The following PSG11 variants were observed in gnomAD, a reference collection of about 807,000 sequenced individuals.
PSG11 encodes pregnancy-specific beta-1-glycoprotein 11.
In PSG11, 42 loss-of-function variants were observed where a neutral mutation model predicts 36.0. The ratio of observed to expected loss-of-function variants is 1.17; its 90% confidence interval spans 0.91 to 1.51. PSG11 has a LOEUF of 1.51. Ranked by LOEUF, PSG11 falls within the 40% of genes most tolerant of loss-of-function variation. The pLI is 0.00. For missense variants in PSG11, 558 were observed against 403.5 expected, an observed-to-expected ratio of 1.38 and a Z score of -3.28; for synonymous variants, 206 against 153.5, an observed-to-expected ratio of 1.34 and a Z score of -2.53.
chr19:43,011,473 A>C (rs192504196), intron 4 of PSG11, among the ~76,000 whole-genome samples: 3 of 151,572 alleles, frequency 2.0e-5, no homozygotes, highest in East Asian at 3.9e-4. Flanking sequence ...AGAATGGAAA[A>C]AGAATAGAGA....
chr19:43,018,799 C>T lies in PSG11; in HGVS notation c.680G>A (p.Arg227His), dbSNP rs374044472. ...CEIWNSGSASRSDPVTLNLLH... is the reference protein window; with the variant it reads ...CEIWNSGSASHSDPVTLNLLH... Reference sequence around the variant, plus strand: ...GAGATTCAGGGTGACTGGGTCACTGCGGCTGGCACTCCCTGAGTTCCATAT... The same window carrying T: ...GAGATTCAGGGTGACTGGGTCACTGTGGCTGGCACTCCCTGAGTTCCATAT... The change falls in exon 3 of 6, where the codon CGC becomes CAC. Residue 227 changes from arginine (R) to histidine (H), a missense_variant. Transcript: ENST00000320078. The T allele has an allele frequency of 8.6e-5, 139 of 1,612,016 alleles. 3 individuals are homozygous for T. The highest frequency in any genetic ancestry group is 5.5e-4 in the South Asian group (50 of 90,834).
chr19:43,018,829 C>T lies in PSG11; in HGVS notation c.650G>A (p.Cys217Tyr), dbSNP rs1384527829. The T allele has an allele frequency of 6.2e-7, 1 of 1,612,124 alleles. No homozygotes were observed. Among genetic ancestry groups the T allele is most frequent in the Middle Eastern group, 1.7e-4 (1 of 6,056 alleles). ...GGCACTCCCTGAGTTCCATATTTCA[C>T]ATTCATAGGGTCCTGCAGTATACTT... ...VTKYTAGPYE[C>Y]EIWNSGSASR... The change falls in exon 3 of 6, where the codon TGT becomes TAT. Residue 217 changes from cysteine (C) to tyrosine (Y), a missense_variant. Physicochemically the swap from Cys to Tyr is radical, Grantham distance 194 (BLOSUM62 -2). Transcript: ENST00000320078.
chr19:43,019,062 A>C lies in PSG11; in HGVS notation c.431-14T>G, dbSNP rs1159168339. Reference sequence around the variant, plus strand: ...TGGGAGTCTCCACTGTGCAGAAAACAGAGAGAAGATTGCCCTGTGTGGCAC... The same window carrying C: ...TGGGAGTCTCCACTGTGCAGAAAACCGAGAGAAGATTGCCCTGTGTGGCAC... On this transcript the variant is annotated splice_polypyrimidine_tract_variant and intron_variant, in intron 2 of 5. Transcript: ENST00000320078. The C allele has an allele frequency of 6.2e-7, 1 of 1,608,164 alleles. No individual in the cohort carries two copies. Among genetic ancestry groups the C allele is most frequent in the Non-Finnish European group, 8.5e-7 (1 of 1,176,828 alleles).
intron 2 of PSG11, chr19:43,019,295 G>T (rs1967046114): frequency 2.4e-6 from 2 of 823,072 alleles, no homozygotes; most frequent in Middle Eastern, 4.0e-4. Context: ...ATTGGGTCAT[G>T]GAAAGACACA....
chr19:43,009,814 A>G lies in PSG11; in HGVS notation c.*40+144T>C, dbSNP rs1161942335. On this transcript the variant is annotated intron_variant, in intron 5 of 5. Coordinates refer to ENST00000320078, the MANE Select transcript of PSG11 (RefSeq NM_002785.3). ...AGCATAAAGGCCAGGGAGAAAGGGA[A>G]CTGCAGGAATTAGTGCTGAGAAGCA... The G allele has an allele frequency of 6.9e-6, 4 of 578,448 alleles. 1 individual carries two copies. Among genetic ancestry groups the G allele is most frequent in the Non-Finnish European group, 1.3e-5 (4 of 318,854 alleles). The allele number at this position is 578,448 out of a possible 1,614,324, so 35.8% of individuals were successfully genotyped here. A position where few individuals can be genotyped will look rare whatever the true frequency, so the allele number is the denominator to read the frequency against.
In PSG11 at chr19:43,018,895, A is replaced by G; in HGVS notation, c.584T>C (p.Leu195Pro). 6.2e-7 allele frequency: 1 copy of G among 1,612,096 alleles called. No homozygotes were observed. Among genetic ancestry groups the G allele is most frequent in the Non-Finnish European group, 8.5e-7 (1 of 1,179,076 alleles). The change falls in exon 3 of 6, where the codon CTG (leucine) becomes CCG (proline). Residue 195 changes from leucine to proline, a missense_variant. Coordinates refer to ENST00000320078, the MANE Select transcript of PSG11 (RefSeq NM_002785.3). ...QSLPMTHRMQLSETNRTLFLF... is the reference protein window; with the variant it reads ...QSLPMTHRMQPSETNRTLFLF... ...AAAGAGGGTCCTGTTGGTTTCAGAC[A>G]GCTGCATCCTATGAGTCATAGGGAG...
At chr19:43,020,740 C>T (rs1440168145) in intron 2 of PSG11, among the ~76,000 whole-genome samples, 1 of 151,104 alleles carries the variant, frequency 6.6e-6, no homozygotes, top group Non-Finnish European at 1.5e-5. Flanking sequence ...GTCAGTGCAT[C>T]AATTACATAA....
At chr19:43,017,826 T>G (rs1249621093) in intron 3 of PSG11, among the ~76,000 whole-genome samples, 1 of 151,632 alleles carries the variant, frequency 6.6e-6, no homozygotes, top group Non-Finnish European at 1.5e-5. Flanking sequence ...CATTTGACCT[T>G]TTTGGTTAAA....
intron 3 of PSG11, 97 bp downstream of exon 3, chr19:43,018,673 C>A (rs1001517155): frequency 6.2e-7 from 1 of 1,606,264 alleles, no homozygotes; most frequent in East Asian, 2.2e-5. Context: ...TGGTAAAGGT[C>A]TCTGTACTTG....
intron 4 of PSG11, 195 bp from the exon 5 acceptor site, chr19:43,010,236 G>A (rs909791508): frequency 2.1e-6 from 3 of 1,453,838 alleles, no homozygotes; most frequent in Non-Finnish European, 2.7e-6. Flanking sequence ...CTCAGTTGGT[G>A]ATCAGTCCTC....
At chr19:43,024,387 T>G (rs1460068438) in intron 2 of PSG11, 8 of 501,242 alleles carry the variant, frequency 1.6e-5, no homozygotes, top group Admixed American at 7.1e-5. Context: ...AGGGTCTTTC[T>G]CAGGGTCAAA....
chr19:43,012,318 TA>T (rs1974098086), intron 4 of PSG11, among the ~76,000 whole-genome samples: 2 of 151,364 alleles, frequency 1.3e-5, no homozygotes, highest in African/African-American at 2.4e-5. Flanking sequence ...GCAAGAATTT[TA>T]AAAAAGACAT....
Position 43,019,054 on chromosome 19 carries a change from C to T in PSG11, c.431-6G>A, listed in dbSNP as rs768241845. On this transcript the variant is annotated splice_region_variant and splice_polypyrimidine_tract_variant and intron_variant, in intron 2 of 5. Transcript: ENST00000320078. ...GGAGGGCTTGGGAGTCTCCACTGTG[C>T]AGAAAACAGAGAGAAGATTGCCCTG... The T allele has an allele frequency of 5.0e-6, 8 of 1,609,370 alleles. No individual in the cohort carries two copies. In the East Asian group the frequency reaches 1.1e-4, roughly 22 times the overall value.
At chr19:43,017,998 C>A (rs959690868) in intron 3 of PSG11, among the ~76,000 whole-genome samples, 4 of 151,096 alleles carry the variant, frequency 2.6e-5, no homozygotes, top group Admixed American at 6.6e-5. Context: ...GAAACATATT[C>A]CCTGTCCTGG....
chr19:43,015,940 A>C lies in PSG11; in HGVS notation c.710-570T>G, dbSNP rs763197953. 1.1e-5 allele frequency: 17 copies of C among 1,609,922 alleles called. No homozygotes were observed. The African/African-American group carries it at 2.2e-4, about 20-fold the overall frequency. On this transcript the variant is annotated intron_variant, in intron 3 of 5. Transcript: ENST00000320078. ...GAGGCTCTGACAATTTAGCCACCAA[A>C]TGTAGGCATAGTTCTCACTCTTAGG...
chr19:43,019,295 G>A, intron 2 of PSG11: 1 of 823,074 alleles, frequency 1.2e-6, no homozygotes. Context: ...ATTGGGTCAT[G>A]GAAAGACACA....
At chr19:43,018,061 G>A (rs1967009102) in intron 3 of PSG11, among the ~76,000 whole-genome samples, 2 of 151,220 alleles carry the variant, frequency 1.3e-5, no homozygotes, top group Admixed American at 6.6e-5. Flanking sequence ...TTCCCTGATA[G>A]CTAGATAGAC....
chr19:43,015,754 G>C (rs1297367474), intron 3 of PSG11: 2 of 1,609,444 alleles, frequency 1.2e-6, no homozygotes. Flanking sequence ...GCCCACAGAG[G>C]AACAAAAGAT....
intron 5 of PSG11, among the ~76,000 whole-genome samples, chr19:43,008,675 A>G (rs1250470212): frequency 6.6e-6 from 1 of 151,438 alleles, no homozygotes; most frequent in Non-Finnish European, 1.5e-5. Flanking sequence ...AATGTAATAT[A>G]TAAAATAAGG....
Sources: allele counts gnomAD v4.1 joint callset (sites outside exome capture counted in the v4.1 genomes callset), GRCh38; gene constraint gnomAD v4.1.1; transcripts MANE v1.5; gene names NCBI Gene and HGNC (gene_info 2026-07-23, HGNC 2026-07-21).